The following DCLK1 variants were observed in gnomAD, a reference collection of about 807,000 sequenced individuals.
DCLK1 encodes the protein doublecortin like kinase 1.
A neutral mutation model predicts 86.2 loss-of-function variants in DCLK1; 16 were observed. The ratio of observed to expected loss-of-function variants is 0.19; its 90% CI spans 0.13 to 0.28. DCLK1 has a LOEUF of 0.28. Among genes scored for constraint, DCLK1 ranks in the 10% least tolerant of loss-of-function variants. The probability of loss-of-function intolerance (pLI) is 1.00; values close to 1 mark genes in which losing one functional copy is unlikely to be tolerated. For synonymous variants in DCLK1, 369 were observed against 370.5 expected, an observed-to-expected ratio of 1.00 and a Z score of 0.05; for missense variants, 590 against 940.2, an observed-to-expected ratio of 0.63 and a Z score of 4.87.
chr13:36,008,002 T>A (rs1208990117), intron 3 of DCLK1, among the ~76,000 whole-genome samples: 4 of 151,952 alleles, frequency 2.6e-5, no homozygotes, highest in Non-Finnish European at 5.9e-5. Context: ...TTTTAGTCTA[T>A]AAAACTCCAC....
intron 15 of DCLK1, among the ~76,000 whole-genome samples, chr13:35,799,106 C>A (rs186557337): frequency 1.3e-5 from 2 of 152,312 alleles, no homozygotes; most frequent in Non-Finnish European, 2.9e-5. Flanking sequence ...AACTTCATTT[C>A]ATGTTATAAT....
At chr13:35,928,877 A>G (rs924219745) in intron 4 of DCLK1, among the ~76,000 whole-genome samples, 4 of 152,210 alleles carry the variant, frequency 2.6e-5, no homozygotes, top group African/African-American at 9.6e-5. Flanking sequence ...TGGGAACCCC[A>G]TAGCATATGG....
chr13:35,796,153 G>A (rs1230907678), intron 15 of DCLK1, among the ~76,000 whole-genome samples: 2 of 152,018 alleles, frequency 1.3e-5, no homozygotes, highest in African/African-American at 4.8e-5. Flanking sequence ...GGCCACCTTG[G>A]GTGCTCTACT....
At chr13:35,827,527 A>T in intron 10 of DCLK1, 108 bp downstream of exon 10, 1 of 1,354,170 alleles carries the variant, frequency 7.4e-7, no homozygotes, top group Non-Finnish European at 1.0e-6. Context: ...GCCAATGTAC[A>T]GAAATGAGAA....
chr13:35,933,281 T>C (rs1344086027), intron 4 of DCLK1, among the ~76,000 whole-genome samples: 1 of 152,188 alleles, frequency 6.6e-6, no homozygotes. Context: ...TGTCTGCGGC[T>C]TTTCCAGGTG....
intron 12 of DCLK1, 144 bp downstream of exon 12, chr13:35,810,691 G>T: frequency 9.1e-7 from 1 of 1,098,078 alleles, no homozygotes; most frequent in Non-Finnish European, 1.3e-6. Flanking sequence ...AAATGTTAAA[G>T]AATAAAATAC....
intron 8 of DCLK1, among the ~76,000 whole-genome samples, chr13:35,834,940 A>G (rs1316247216): frequency 6.6e-6 from 1 of 152,200 alleles, no homozygotes; most frequent in East Asian, 1.9e-4. Flanking sequence ...AGCAGCTTCC[A>G]AAGAGCCGCA....
chr13:36,072,535 C>T (rs1884016342), intron 3 of DCLK1, among the ~76,000 whole-genome samples: 1 of 152,208 alleles, frequency 6.6e-6, no homozygotes, highest in Non-Finnish European at 1.5e-5. Flanking sequence ...TGAATTCCAG[C>T]GTTGTAGCCA....
At chr13:35,826,540 A>AGGAGGGAAGG (rs1382422000) in intron 10 of DCLK1, among the ~76,000 whole-genome samples, 5 of 92,790 alleles carry the variant, frequency 5.4e-5, no homozygotes, top group African/African-American at 1.6e-4. Context: ...AAAAAAAAAA[A>AGGAGGGAAGG]AAGAAAGAAA....
Position 35,850,402 on chromosome 13 carries a change from GGTTAGTGT to G in DCLK1, c.1035+4089_1035+4096del, listed in dbSNP as rs1356579366. 17 of 1,035,752 alleles carry G rather than the reference GGTTAGTGT, an allele frequency of 1.6e-5. No homozygotes were observed. The African/African-American group carries it at 2.7e-4, about 16-fold the overall frequency. 64.2% of individuals were successfully genotyped at this position (1,035,752 alleles called of 1,614,324 possible). On this transcript the variant is annotated intron_variant, in intron 6 of 16. Transcript: ENST00000360631. ...AAATTCTGGCTCTATATTGCCACAT[GGTTAGTGT>G]GTTCTTGTACTCAATATTGGGTCCG...
chr13:35,933,638 C>A (rs1237862342), intron 4 of DCLK1, among the ~76,000 whole-genome samples: 1 of 152,220 alleles, frequency 6.6e-6, no homozygotes, highest in African/African-American at 2.4e-5. Context: ...CTCTACATTA[C>A]CCCTTTTAGC....
chr13:35,791,411 G>A (rs1002042538), intron 16 of DCLK1, among the ~76,000 whole-genome samples: 2 of 151,988 alleles, frequency 1.3e-5, no homozygotes, highest in African/African-American at 4.8e-5. Flanking sequence ...CCGTGTTAGT[G>A]ATGAATTGAG....
chr13:35,774,281 T>A lies in DCLK1; in HGVS notation c.*254A>T, dbSNP rs2086382535. The A allele has an allele frequency of 2.3e-6, 1 of 427,056 alleles. No individual in the cohort carries two copies. The highest frequency in any genetic ancestry group is 2.0e-5 in the African/African-American group (1 of 51,076). The allele number at this position is 427,056 out of a possible 1,614,324, so 26.5% of individuals were successfully genotyped here. A position where few individuals can be genotyped will look rare whatever the true frequency, so the allele number is the denominator to read the frequency against. ...ATGAAAACATTCATTGCTTCTAAGTTTAAAAAAAAATTGCAAATTGGCCTT... is the reference window on the plus strand; with the variant it reads ...ATGAAAACATTCATTGCTTCTAAGTATAAAAAAAAATTGCAAATTGGCCTT... On this transcript the variant is annotated 3_prime_UTR_variant, in exon 17 of 17. Coordinates refer to ENST00000360631, the MANE Select transcript of DCLK1 (RefSeq NM_001330071.2).
At chr13:36,104,690 T>G (rs527262340) in intron 3 of DCLK1, among the ~76,000 whole-genome samples, 5 of 152,148 alleles carry the variant, frequency 3.3e-5, no homozygotes, top group African/African-American at 9.6e-5. Context: ...TAATATTACT[T>G]TCTCGGTGGG....
intron 4 of DCLK1, among the ~76,000 whole-genome samples, chr13:35,891,741 G>A (rs1873657347): frequency 6.6e-6 from 1 of 152,150 alleles, no homozygotes; most frequent in Non-Finnish European, 1.5e-5. Flanking sequence ...GTCTGCACCG[G>A]CTAGGAAACG....
At chr13:35,883,943 T>G (rs1162366847) in intron 4 of DCLK1, among the ~76,000 whole-genome samples, 1 of 152,156 alleles carries the variant, frequency 6.6e-6, no homozygotes, top group Non-Finnish European at 1.5e-5. Flanking sequence ...TAGAAAGGCC[T>G]ACAGTCTTCC....
chr13:35,862,080 T>C (rs1566573826), intron 5 of DCLK1, among the ~76,000 whole-genome samples: 1 of 147,158 alleles, frequency 6.8e-6, no homozygotes, highest in Non-Finnish European at 1.5e-5. Flanking sequence ...CCCTCCCCCA[T>C]GCATGGTTCC....
At chr13:36,120,134 C>A (rs1237739905) in intron 2 of DCLK1, among the ~76,000 whole-genome samples, 1 of 151,968 alleles carries the variant, frequency 6.6e-6, no homozygotes, top group African/African-American at 2.4e-5. Flanking sequence ...AAACATACCA[C>A]AAGAAAATGA....
intron 3 of DCLK1, among the ~76,000 whole-genome samples, chr13:36,031,190 T>G (rs1882255144): frequency 6.6e-6 from 1 of 152,178 alleles, no homozygotes; most frequent in Non-Finnish European, 1.5e-5. Flanking sequence ...GATTTGACTT[T>G]GGAAAATAGC....
Sources: allele counts gnomAD v4.1 joint callset (sites outside exome capture counted in the v4.1 genomes callset), GRCh38; gene constraint gnomAD v4.1.1; transcripts MANE v1.5; gene names NCBI Gene and HGNC (gene_info 2026-07-23, HGNC 2026-07-21).